The following CNTN5 variants were observed in gnomAD, a reference collection of about 807,000 sequenced individuals.
CNTN5 encodes the protein contactin 5.
CNTN5 carries 77 observed loss-of-function variants against 129.1 expected under a neutral mutation model. The ratio of observed to expected loss-of-function variants is 0.60; its 90% CI spans 0.50 to 0.72. The LOEUF (loss-of-function observed/expected upper bound fraction) is 0.72. CNTN5 is among the 30% of genes least tolerant of loss of function. The probability of loss-of-function intolerance (pLI) is 0.00; values close to 1 mark genes in which losing one functional copy is unlikely to be tolerated. For missense variants in CNTN5, 1,478 were observed against 1,328.8 expected, an observed-to-expected ratio of 1.11 and a Z score of -1.75; for synonymous variants, 509 against 465.6, an observed-to-expected ratio of 1.09 and a Z score of -1.20.
At chr11:99,944,629 A>C (rs1950515562) in intron 7 of CNTN5, among the ~76,000 whole-genome samples, 1 of 152,146 alleles carries the variant, frequency 6.6e-6, no homozygotes. Flanking sequence ...GTCTCAGCCC[A>C]AAAACTCCTT....
At chr11:99,989,453 CA>C (rs1477168954) in intron 8 of CNTN5, among the ~76,000 whole-genome samples, 2 of 151,796 alleles carry the variant, frequency 1.3e-5, no homozygotes, top group Non-Finnish European at 2.9e-5. Flanking sequence ...ATCAAAGTAC[CA>C]ACTTTTTTTT....
intron 3 of CNTN5, among the ~76,000 whole-genome samples, chr11:99,609,493 T>C (rs1361746422): frequency 1.3e-5 from 2 of 152,138 alleles, no homozygotes; most frequent in Non-Finnish European, 2.9e-5. Flanking sequence ...ATCATTAATG[T>C]ATTCAGGGAG....
intron 9 of CNTN5, among the ~76,000 whole-genome samples, chr11:100,036,722 T>G (rs1173067778): frequency 3.3e-5 from 5 of 150,084 alleles, no homozygotes; most frequent in Admixed American, 3.3e-4. Context: ...TTTATTCTCT[T>G]TGAAGCAATT....
intron 8 of CNTN5, among the ~76,000 whole-genome samples, chr11:99,962,462 T>C (rs887639359): frequency 1.2e-4 from 18 of 152,136 alleles, no homozygotes; most frequent in South Asian, 2.1e-4. Flanking sequence ...CCAGCTTCAT[T>C]CATGTCCCTA....
intron 3 of CNTN5, among the ~76,000 whole-genome samples, chr11:99,635,476 C>A (rs1951516137): frequency 8.3e-6 from 1 of 120,058 alleles, no homozygotes; most frequent in African/African-American, 2.8e-5. Context: ...AATTGGAAAT[C>A]CTAGCAGAAG....
intron 18 of CNTN5, among the ~76,000 whole-genome samples, chr11:100,286,033 C>A (rs1187862395): frequency 3.9e-5 from 6 of 152,252 alleles, no homozygotes; most frequent in Admixed American, 3.3e-4. Flanking sequence ...CACCCTAATA[C>A]TGCGCTTTTC....
chr11:100,350,436 C>G (rs1320804828), intron 23 of CNTN5, among the ~76,000 whole-genome samples: 2 of 151,706 alleles, frequency 1.3e-5, no homozygotes, highest in Non-Finnish European at 3.0e-5. Context: ...CTGGTCCACT[C>G]TATCATATTT....
intron 6 of CNTN5, among the ~76,000 whole-genome samples, chr11:99,857,649 G>T (rs185898451): frequency 2.4e-4 from 37 of 151,944 alleles, no homozygotes; most frequent in Non-Finnish European, 2.1e-4. Flanking sequence ...TCATAATTTT[G>T]CATACTATTG....
intron 13 of CNTN5, among the ~76,000 whole-genome samples, chr11:100,182,400 G>A (rs1397025796): frequency 6.6e-6 from 1 of 152,024 alleles, no homozygotes; most frequent in Admixed American, 6.6e-5. Flanking sequence ...GAGAGAGAGA[G>A]AAAACAATCT....
chr11:99,356,195 C>T (rs534159008), intron 2 of CNTN5, among the ~76,000 whole-genome samples: 14 of 152,070 alleles, frequency 9.2e-5, no homozygotes, highest in African/African-American at 3.1e-4. Context: ...ACCACCCCCC[C>T]CCAACCAAGT....
chr11:99,429,780 A>G (rs1435907599), intron 2 of CNTN5, among the ~76,000 whole-genome samples: 2 of 152,124 alleles, frequency 1.3e-5, no homozygotes, highest in Non-Finnish European at 2.9e-5. Context: ...CTTTGTTACT[A>G]AGGCATTTCT....
chr11:99,266,475 G>A (rs1035655230), intron 1 of CNTN5, among the ~76,000 whole-genome samples: 1 of 151,928 alleles, frequency 6.6e-6, no homozygotes, highest in Non-Finnish European at 1.5e-5. Flanking sequence ...GGTGGCATGC[G>A]CCTGTATTTC....
intron 1 of CNTN5, among the ~76,000 whole-genome samples, chr11:99,176,066 T>C (rs906246951): frequency 6.6e-6 from 1 of 152,332 alleles, no homozygotes; most frequent in Middle Eastern, 3.4e-3. Context: ...CTTGCAAGGT[T>C]CCCACTTAAT....
rs564189949 is a variant in CNTN5 at position 99,803,285 on chromosome 11, G to A, written c.56-16259G>A. Among the ~76,000 whole-genome samples, 5 of 152,322 alleles carry A rather than the reference G, an allele frequency of 3.3e-5. No individual in the cohort carries two copies. In the East Asian group the frequency reaches 7.7e-4, roughly 24 times the overall value. On this transcript the variant is annotated intron_variant, in intron 3 of 24. Transcript: ENST00000524871. ...ACCCAGATGAGTTCCAGTTCACCGAGCTGGCCCTGGCTGCAGGTCTTGTTA... is the reference window on the plus strand; with the variant it reads ...ACCCAGATGAGTTCCAGTTCACCGAACTGGCCCTGGCTGCAGGTCTTGTTA...
intron 3 of CNTN5, among the ~76,000 whole-genome samples, chr11:99,806,678 G>A (rs775480197): frequency 1.4e-4 from 21 of 151,180 alleles, no homozygotes; most frequent in Non-Finnish European, 2.1e-4. Flanking sequence ...GTGGTGGCGC[G>A]CACCTCTAAT....
intron 9 of CNTN5, among the ~76,000 whole-genome samples, chr11:100,041,122 C>G (rs1280937362): frequency 6.6e-5 from 10 of 152,116 alleles, no homozygotes. Context: ...TTGGCTCCTC[C>G]CTTTTCAGTA....
intron 8 of CNTN5, among the ~76,000 whole-genome samples, chr11:99,961,655 C>CA (rs1240976656): frequency 2.0e-5 from 3 of 152,292 alleles, no homozygotes; most frequent in Middle Eastern, 3.4e-3. Context: ...AAATGTTGAA[C>CA]ACCTTTTCCT....
At chr11:100,145,882 G>A (rs566877502) in intron 13 of CNTN5, among the ~76,000 whole-genome samples, 3 of 152,170 alleles carry the variant, frequency 2.0e-5, no homozygotes, top group East Asian at 3.9e-4. Flanking sequence ...TTCTGTGATC[G>A]TCCCCAAATC....
At chr11:99,918,939 C>A (rs573849680) in intron 7 of CNTN5, among the ~76,000 whole-genome samples, 5 of 152,140 alleles carry the variant, frequency 3.3e-5, no homozygotes, top group African/African-American at 4.8e-5. Flanking sequence ...GCCCTTCCTG[C>A]CAGTGTAACC....
Sources: gnomAD v4.1 joint callset for allele counts (sites outside exome capture counted in the v4.1 genomes callset) on GRCh38, gnomAD v4.1.1 for gene constraint, MANE v1.5 for transcripts, NCBI Gene and HGNC (gene_info 2026-07-23, HGNC 2026-07-21) for gene names.